The following RASGRF2 variants were observed in gnomAD, a reference collection of about 807,000 sequenced individuals.
RASGRF2 encodes ras-specific guanine nucleotide-releasing factor 2.
A neutral mutation model predicts 151.0 loss-of-function variants in RASGRF2; 76 were observed. The ratio of observed to expected loss-of-function variants is 0.50; its 90% CI spans 0.42 to 0.61. RASGRF2 has a LOEUF of 0.61. Ranked by LOEUF, RASGRF2 falls within the 20% of genes least tolerant of loss-of-function variation. The pLI, the probability that RASGRF2 is intolerant of heterozygous loss-of-function variation, is 0.00. For synonymous variants in RASGRF2, 504 were observed against 566.5 expected (o/e 0.89, Z 1.57); for missense variants, 1,148 against 1,564.6 (o/e 0.73, Z 4.49).
At chr5:81,163,566 A>C (rs1398164375) in intron 17 of RASGRF2, among the ~76,000 whole-genome samples, 1 of 152,196 alleles carries the variant, frequency 6.6e-6, no homozygotes, top group African/African-American at 2.4e-5. Context: ...ATCTTCAGGC[A>C]AAGCAGTTTT....
intron 18 of RASGRF2, among the ~76,000 whole-genome samples, chr5:81,200,894 A>C (rs531961023): frequency 5.9e-5 from 9 of 152,284 alleles, no homozygotes; most frequent in Non-Finnish European, 1.3e-4. Flanking sequence ...TCTCTTGAGG[A>C]ACTGAAGGCA....
chr5:81,139,522 A>G (rs1361012580), intron 17 of RASGRF2, among the ~76,000 whole-genome samples: 3 of 149,974 alleles, frequency 2.0e-5, no homozygotes, highest in African/African-American at 7.4e-5. Flanking sequence ...CACCACACAC[A>G]CTAAAATAAC....
chr5:81,044,676 A>G (rs1480159011), intron 2 of RASGRF2, among the ~76,000 whole-genome samples: 2 of 152,186 alleles, frequency 1.3e-5, no homozygotes, highest in Non-Finnish European at 2.9e-5. Context: ...GAAAACAAAA[A>G]TTTGTGACAG....
chr5:81,047,513 C>G (rs1041151724), intron 2 of RASGRF2, among the ~76,000 whole-genome samples: 32 of 152,232 alleles, frequency 2.1e-4, no homozygotes. Flanking sequence ...CTGCTCAAAT[C>G]TCCACCTCGA....
chr5:81,063,423 T>C (rs1393447055), intron 2 of RASGRF2, among the ~76,000 whole-genome samples: 1 of 152,124 alleles, frequency 6.6e-6, no homozygotes, highest in African/African-American at 2.4e-5. Flanking sequence ...ATTTTTTGTA[T>C]TTTAGTAAAG....
In RASGRF2 at chr5:81,001,286, G is replaced by A. The variant is rs186607306; in HGVS notation, c.288+40260G>A. Among the ~76,000 whole-genome samples, 5 of 152,270 alleles carry A rather than the reference G, an allele frequency of 3.3e-5. No individual in the cohort carries two copies. The East Asian group carries it at 5.8e-4, about 18-fold the overall frequency. On this transcript the variant is annotated intron_variant, in intron 1 of 26. Coordinates refer to ENST00000265080, the MANE Select transcript of RASGRF2 (RefSeq NM_006909.3). Reference sequence around the variant, plus strand: ...TAAGATAATTTTAATCAAGGATAAGGTACTAGGAGCTAATGAGGCTTTTGA... The same window carrying A: ...TAAGATAATTTTAATCAAGGATAAGATACTAGGAGCTAATGAGGCTTTTGA...
intron 5 of RASGRF2, among the ~76,000 whole-genome samples, chr5:81,076,087 T>A (rs1320770628): frequency 4.6e-5 from 7 of 152,156 alleles, no homozygotes; most frequent in Admixed American, 4.6e-4. Flanking sequence ...TAACTTAGAA[T>A]TGACCATGGG....
chr5:81,152,675 T>G (rs183291984), intron 17 of RASGRF2, among the ~76,000 whole-genome samples: 28 of 152,264 alleles, frequency 1.8e-4, no homozygotes, highest in Admixed American at 1.5e-3. Flanking sequence ...ATGACAAAAT[T>G]GTACAAAATT....
intron 13 of RASGRF2, among the ~76,000 whole-genome samples, chr5:81,110,378 A>G (rs1168085148): frequency 2.6e-5 from 4 of 152,196 alleles, no homozygotes; most frequent in Non-Finnish European, 5.9e-5. Flanking sequence ...GTAAGATTCT[A>G]CTCAGTGTAA....
chr5:81,092,561 T>C (rs1752420220), intron 9 of RASGRF2, among the ~76,000 whole-genome samples: 1 of 152,220 alleles, frequency 6.6e-6, no homozygotes, highest in East Asian at 1.9e-4. Context: ...TTTTCCAGTT[T>C]ATAGATGAAG....
intron 18 of RASGRF2, among the ~76,000 whole-genome samples, chr5:81,191,932 C>A (rs901595608): frequency 2.6e-5 from 4 of 152,144 alleles, no homozygotes; most frequent in African/African-American, 9.7e-5. Flanking sequence ...TCATTCATTG[C>A]CATTTGCCGC....
At chr5:80,990,008 C>T (rs1184704659) in intron 1 of RASGRF2, among the ~76,000 whole-genome samples, 1 of 152,112 alleles carries the variant, frequency 6.6e-6, no homozygotes. Context: ...TTCCCCTTCT[C>T]CCCACCACCT....
intron 1 of RASGRF2, among the ~76,000 whole-genome samples, chr5:81,021,713 A>C (rs9293830): frequency 0.13 from 19,686 of 152,122 alleles, 1,301 homozygotes; most frequent in African/African-American, 0.16. Context: ...CTATAACCAC[A>C]ATCCGTTCAT....
At chr5:81,170,777 A>T (rs554704673) in intron 17 of RASGRF2, among the ~76,000 whole-genome samples, 1 of 152,254 alleles carries the variant, frequency 6.6e-6, no homozygotes, top group African/African-American at 2.4e-5. Context: ...TAGCACTTGT[A>T]TGATTTATTA....
At chr5:81,034,854 A>G (rs112465359) in intron 1 of RASGRF2, among the ~76,000 whole-genome samples, 103 of 151,142 alleles carry the variant, frequency 6.8e-4, no homozygotes, top group African/African-American at 2.3e-3. Context: ...GCTAGATGAC[A>G]AGTTAGTGGG....
At chr5:81,112,900 C>A (rs761431088) in intron 14 of RASGRF2, 42 bp downstream of exon 14, 1 of 1,611,316 alleles carries the variant, frequency 6.2e-7, no homozygotes, top group Non-Finnish European at 8.5e-7. Flanking sequence ...TCGCATATGG[C>A]CCTCTTCGTT....
intron 1 of RASGRF2, chr5:80,997,984 A>T (rs993394729): frequency 4.0e-5 from 6 of 151,804 alleles, no homozygotes; most frequent in Non-Finnish European, 8.8e-5. Context: ...AAAAAAAAAA[A>T]AAATTAAAGT....
intron 2 of RASGRF2, among the ~76,000 whole-genome samples, chr5:81,054,350 C>G (rs1751125633): frequency 1.3e-5 from 2 of 150,638 alleles, no homozygotes; most frequent in Non-Finnish European, 3.0e-5. Context: ...ATGTGGCTAG[C>G]CAGTTTTCCC....
chr5:81,029,432 G>A (rs183464922), intron 1 of RASGRF2, among the ~76,000 whole-genome samples: 4 of 152,286 alleles, frequency 2.6e-5, no homozygotes, highest in African/African-American at 9.6e-5. Context: ...ATGGCCGGGT[G>A]CCCCTCTGAG....
Sources: allele counts gnomAD v4.1 joint callset (sites outside exome capture counted in the v4.1 genomes callset), GRCh38; gene constraint gnomAD v4.1.1; transcripts MANE v1.5; gene names NCBI Gene and HGNC (gene_info 2026-07-23, HGNC 2026-07-21).